Variants in NSMCE2 observed in about 807,000 individuals in gnomAD.
NSMCE2 encodes the protein E3 SUMO-protein ligase NSE2.
A neutral mutation model predicts 23.8 loss-of-function variants in NSMCE2; 24 were observed. That is an observed-to-expected ratio of 1.01 (90% CI 0.73 to 1.42). NSMCE2 has a LOEUF of 1.42. NSMCE2 is among the 40% of genes most tolerant of loss of function. The probability of loss-of-function intolerance (pLI) is 0.00; values close to 1 mark genes in which losing one functional copy is unlikely to be tolerated. For missense variants in NSMCE2, 284 were observed against 296.5 expected (o/e 0.96, Z 0.31); for synonymous variants, 92 against 94.1 (o/e 0.98, Z 0.13).
chr8:125,102,147 G>T lies in NSMCE2; in HGVS notation c.-15+1G>T. ...AGTCCAGCTGTGTTTGGTGGCCCAG[G>T]TGAGTGGCACAGTGATTTGGTGTCT... On this transcript the variant is annotated splice_donor_variant, in intron 2 of 7. Transcript: ENST00000287437. LOFTEE classifies it low-confidence loss of function (5UTR_SPLICE). 1.8e-6 allele frequency: 1 copy of T among 562,010 alleles called. No individual in the cohort carries two copies. Among genetic ancestry groups the T allele is most frequent in the Non-Finnish European group, 3.2e-6 (1 of 314,296 alleles). The allele number at this position is 562,010 out of a possible 1,614,324, so 34.8% of individuals were successfully genotyped here. A position where few individuals can be genotyped will look rare whatever the true frequency, so the allele number is the denominator to read the frequency against.
chr8:125,273,613 C>T (rs1039529066), intron 5 of NSMCE2, among the ~76,000 whole-genome samples: 1 of 152,150 alleles, frequency 6.6e-6, no homozygotes, highest in Non-Finnish European at 1.5e-5. Context: ...AGTTTATGGA[C>T]ATATTTGAGG....
intron 5 of NSMCE2, among the ~76,000 whole-genome samples, chr8:125,187,791 T>C (rs1823171619): frequency 6.6e-6 from 1 of 152,198 alleles, no homozygotes; most frequent in Non-Finnish European, 1.5e-5. Context: ...GAATTGAATG[T>C]GAATCTGAAA....
At chr8:125,272,791 A>G (rs891717797) in intron 5 of NSMCE2, among the ~76,000 whole-genome samples, 24 of 141,952 alleles carry the variant, frequency 1.7e-4, no homozygotes, top group South Asian at 4.3e-4. Context: ...ATATATACAC[A>G]TGTGTATATA....
At chr8:125,137,466 A>G (rs1198282056) in intron 3 of NSMCE2, among the ~76,000 whole-genome samples, 5 of 152,198 alleles carry the variant, frequency 3.3e-5, no homozygotes, top group Non-Finnish European at 7.4e-5. Context: ...AATCTAAGGC[A>G]GTTGCTATCC....
chr8:125,122,505 C>G (rs1819318647), intron 3 of NSMCE2, among the ~76,000 whole-genome samples: 1 of 152,188 alleles, frequency 6.6e-6, no homozygotes, highest in Non-Finnish European at 1.5e-5. Context: ...TAAGTGCCAT[C>G]AACATATGCT....
rs185206761 is a variant in NSMCE2 at position 125,094,377 on chromosome 8, T to C, written c.-111+2419T>C. The C allele has an allele frequency of 1.3e-4, 20 of 152,264 alleles. No homozygotes were observed. The East Asian group carries it at 3.7e-3, about 28-fold the overall frequency. The allele number at this position is 152,264 out of a possible 1,614,324, so 9.4% of individuals were successfully genotyped here. The stretch of plus-strand genomic sequence containing the variant: ...ACTTAGCTGTATTTATTGGGAGAGA[T>C]TGAGAAAAGTATGTCTGTTCCATCT... On this transcript the variant is annotated intron_variant, in intron 1 of 7. Transcript: ENST00000287437.
chr8:125,165,156 T>A (rs1311307650), intron 4 of NSMCE2, among the ~76,000 whole-genome samples: 1 of 152,202 alleles, frequency 6.6e-6, no homozygotes, highest in African/African-American at 2.4e-5. Flanking sequence ...AACCTTCGAT[T>A]TCCTTATCTG....
At chr8:125,131,567 G>T (rs1487875152) in intron 3 of NSMCE2, among the ~76,000 whole-genome samples, 1 of 152,060 alleles carries the variant, frequency 6.6e-6, no homozygotes, top group African/African-American at 2.4e-5. Context: ...CAGCCAACAG[G>T]TGCAACACCA....
At chr8:125,123,721 A>G (rs1017017365) in intron 3 of NSMCE2, among the ~76,000 whole-genome samples, 7 of 152,236 alleles carry the variant, frequency 4.6e-5, no homozygotes, top group African/African-American at 1.4e-4. Flanking sequence ...ATCCCTCATT[A>G]TAGGATGCAA....
chr8:125,169,961 T>C (rs1822095583), intron 4 of NSMCE2, among the ~76,000 whole-genome samples: 1 of 152,106 alleles, frequency 6.6e-6, no homozygotes. Context: ...GCTGACTCTT[T>C]CTTACTCTCC....
intron 5 of NSMCE2, among the ~76,000 whole-genome samples, chr8:125,271,571 C>G (rs559748262): frequency 6.6e-6 from 1 of 152,234 alleles, no homozygotes; most frequent in African/African-American, 2.4e-5. Context: ...CTGATTCAGT[C>G]CCTGACATGA....
intron 4 of NSMCE2, among the ~76,000 whole-genome samples, chr8:125,168,237 A>G (rs968535072): frequency 2.6e-5 from 4 of 152,200 alleles, no homozygotes; most frequent in Admixed American, 2.6e-4. Flanking sequence ...TCTTTGTATA[A>G]ATGCTGAGAT....
chr8:125,225,107 A>G (rs1343592329), intron 5 of NSMCE2, among the ~76,000 whole-genome samples: 1 of 152,228 alleles, frequency 6.6e-6, no homozygotes, highest in Non-Finnish European at 1.5e-5. Context: ...CATATTTGGC[A>G]TATCTTTCTT....
intron 5 of NSMCE2, among the ~76,000 whole-genome samples, chr8:125,232,792 G>A (rs1825383232): frequency 6.6e-6 from 1 of 152,004 alleles, no homozygotes; most frequent in African/African-American, 2.4e-5. Context: ...TTTTGGATAT[G>A]TAGAAATACT....
At chr8:125,289,653 A>G (rs553705114) in intron 5 of NSMCE2, among the ~76,000 whole-genome samples, 96 of 152,336 alleles carry the variant, frequency 6.3e-4, no homozygotes, top group African/African-American at 2.2e-3. Context: ...TGTTTGATGA[A>G]TAATGAAGGA....
chr8:125,130,588 C>T (rs2130559559), intron 3 of NSMCE2, among the ~76,000 whole-genome samples: 2 of 152,208 alleles, frequency 1.3e-5, no homozygotes, highest in East Asian at 3.9e-4. Flanking sequence ...ATTGAGAAAC[C>T]AAGATCTGGG....
At chr8:125,264,006 CT>C (rs1361556585) in intron 5 of NSMCE2, among the ~76,000 whole-genome samples, 1 of 152,148 alleles carries the variant, frequency 6.6e-6, no homozygotes, top group Non-Finnish European at 1.5e-5. Flanking sequence ...TAGATGGCTC[CT>C]TGAAGACAAG....
intron 4 of NSMCE2, among the ~76,000 whole-genome samples, chr8:125,159,373 T>C (rs1821484557): frequency 6.6e-6 from 1 of 152,238 alleles, no homozygotes; most frequent in Non-Finnish European, 1.5e-5. Context: ...ATCATACTTT[T>C]ACTGTACCTT....
At chr8:125,161,595 C>G (rs139874457) in intron 4 of NSMCE2, among the ~76,000 whole-genome samples, 2 of 151,794 alleles carry the variant, frequency 1.3e-5, no homozygotes, top group Non-Finnish European at 2.9e-5. Flanking sequence ...GCCAGGAGTT[C>G]GAGACCAGCC....
Sources: allele counts gnomAD v4.1 joint callset (sites outside exome capture counted in the v4.1 genomes callset), GRCh38; gene constraint gnomAD v4.1.1; transcripts MANE v1.5; gene names NCBI Gene and HGNC (gene_info 2026-07-23, HGNC 2026-07-21).